Variants in KLF12 observed in about 807,000 individuals in gnomAD.
KLF12 encodes the protein KLF transcription factor 12, also known as Krueppel-like factor 12.
KLF12 carries 9 observed loss-of-function variants against 37.8 expected under a neutral mutation model. That is an observed-to-expected ratio of 0.24 (90% CI 0.14 to 0.42). The LOEUF (loss-of-function observed/expected upper bound fraction) is 0.42, where lower values mean the gene tolerates loss of function less well. Among genes scored for constraint, KLF12 ranks in the 10% least tolerant of loss-of-function variants. The pLI, the probability that KLF12 is intolerant of heterozygous loss-of-function variation, is 1.00. For synonymous variants in KLF12, 208 were observed against 202.1 expected (o/e 1.03, Z -0.25); for missense variants, 411 against 516.0 (o/e 0.80, Z 1.97).
At chr13:73,862,952 A>G (rs545716804) in intron 3 of KLF12, among the ~76,000 whole-genome samples, 114 of 152,300 alleles carry the variant, frequency 7.5e-4, no homozygotes, top group African/African-American at 2.6e-3. Context: ...CAGAACTTTC[A>G]GTCACAGTTA....
chr13:74,147,507 A>G, the KLF12 span, among the ~76,000 whole-genome samples: 2 of 152,160 alleles, frequency 1.3e-5, no homozygotes, highest in African/African-American at 4.8e-5. Context: ...GTTTCCCAAA[A>G]TATGTAGTCA....
intron 2 of KLF12, among the ~76,000 whole-genome samples, chr13:73,968,951 G>A (rs895351796): frequency 4.0e-5 from 6 of 150,558 alleles, no homozygotes; most frequent in East Asian, 2.0e-4. Flanking sequence ...CATAACCTCC[G>A]TTTGGATTTC....
the KLF12 span, among the ~76,000 whole-genome samples, chr13:74,194,585 C>T: frequency 6.6e-6 from 1 of 152,110 alleles, no homozygotes; most frequent in Non-Finnish European, 1.5e-5. Context: ...GGGAAGAGAC[C>T]TCATGACCTA....
At chr13:74,106,346 T>A (rs192725897) in intron 1 of KLF12, among the ~76,000 whole-genome samples, 9 of 152,296 alleles carry the variant, frequency 5.9e-5, no homozygotes, top group Non-Finnish European at 1.3e-4. Context: ...TCTAAAAACA[T>A]CATTTATTAC....
intron 1 of KLF12, among the ~76,000 whole-genome samples, chr13:74,075,931 G>C (rs1874535672): frequency 6.6e-6 from 1 of 152,138 alleles, no homozygotes; most frequent in Non-Finnish European, 1.5e-5. Context: ...ACATTAACTT[G>C]AAGATTAATT....
chr13:73,880,985 T>C (rs1315948647), intron 3 of KLF12, among the ~76,000 whole-genome samples: 1 of 152,202 alleles, frequency 6.6e-6, no homozygotes, highest in Non-Finnish European at 1.5e-5. Context: ...TCTGAAAGTG[T>C]TAACGTCTAA....
the KLF12 span, among the ~76,000 whole-genome samples, chr13:74,213,629 C>T: frequency 1.4e-5 from 2 of 147,614 alleles, no homozygotes; most frequent in Non-Finnish European, 3.0e-5. Context: ...CTCCCTCCCT[C>T]CCTTCTTTCC....
intron 3 of KLF12, among the ~76,000 whole-genome samples, chr13:73,934,629 C>T (rs1889841853): frequency 6.6e-6 from 1 of 151,800 alleles, no homozygotes; most frequent in Non-Finnish European, 1.5e-5. Context: ...TATTTTTTGC[C>T]CCCTGGCTGC....
At position 73,932,426 on chromosome 13, in the gene KLF12, C is replaced by T. The variant is rs1889729394; in HGVS notation, c.123+11555G>A. ...ATCAAAATTGTCACCAGGTCGAATG[C>T]CTTCAGAGCACAGCATTTTTCTCAG... On this transcript the variant is annotated intron_variant, in intron 3 of 7. Transcript: ENST00000377669. 2.0e-5 allele frequency among the ~76,000 whole-genome samples: 3 copies of T among 152,130 alleles called. No individual in the cohort carries two copies. The South Asian group carries it at 6.2e-4, about 31-fold the overall frequency.
chr13:73,855,008 C>G (rs1885532715), intron 3 of KLF12, among the ~76,000 whole-genome samples: 1 of 152,188 alleles, frequency 6.6e-6, no homozygotes, highest in African/African-American at 2.4e-5. Flanking sequence ...CTCCTGGAAA[C>G]AGAGGCAGCT....
chr13:73,720,685 C>G (rs1026646594), intron 6 of KLF12, among the ~76,000 whole-genome samples: 1 of 152,088 alleles, frequency 6.6e-6, no homozygotes, highest in Non-Finnish European at 1.5e-5. Context: ...CTTGGAATGG[C>G]AAGTTAAATT....
chr13:73,903,183 A>G (rs1043954445), intron 3 of KLF12, among the ~76,000 whole-genome samples: 2 of 152,228 alleles, frequency 1.3e-5, no homozygotes, highest in Non-Finnish European at 1.5e-5. Context: ...CTGATACATT[A>G]ATTTTTTAAG....
chr13:73,959,665 T>A (rs1890958573), intron 2 of KLF12, among the ~76,000 whole-genome samples: 2 of 151,974 alleles, frequency 1.3e-5, no homozygotes, highest in Admixed American at 6.6e-5. Context: ...AAATTATATA[T>A]CTCATGTAAT....
chr13:73,906,568 T>G (rs933745694), intron 3 of KLF12, among the ~76,000 whole-genome samples: 4 of 152,224 alleles, frequency 2.6e-5, no homozygotes, highest in African/African-American at 9.7e-5. Context: ...CTCACTTTTG[T>G]GGTTCATCTT....
At chr13:74,030,153 T>C (rs1893077928) in intron 1 of KLF12, among the ~76,000 whole-genome samples, 1 of 152,050 alleles carries the variant, frequency 6.6e-6, no homozygotes, top group African/African-American at 2.4e-5. Context: ...CAGGCTAAAA[T>C]AAAAGTCATG....
intron 5 of KLF12, among the ~76,000 whole-genome samples, chr13:73,796,507 C>CTGTGTGTGTGTGTGTGTGTGTGTG (rs5804694): frequency 9.3e-5 from 13 of 140,276 alleles, no homozygotes; most frequent in African/African-American, 2.9e-4. Context: ...TGCCCCTGTG[C>CTGTGTGTGTGTGTGTGTGTGTGTG]TGTGTGTGTG....
At chr13:73,806,687 A>G (rs1882648495) in intron 5 of KLF12, among the ~76,000 whole-genome samples, 1 of 151,646 alleles carries the variant, frequency 6.6e-6, no homozygotes, top group African/African-American at 2.4e-5. Flanking sequence ...AACTTCTGAG[A>G]CCTCTGGGGA....
chr13:73,787,666 T>C (rs1177953640), intron 5 of KLF12, among the ~76,000 whole-genome samples: 2 of 152,150 alleles, frequency 1.3e-5, no homozygotes, highest in African/African-American at 4.8e-5. Context: ...CATGGAAGTT[T>C]GGGGATTGGA....
chr13:74,107,914 A>G (rs9600230), intron 1 of KLF12, among the ~76,000 whole-genome samples: 4,297 of 152,320 alleles, frequency 0.028, 111 homozygotes, highest in South Asian at 0.078. Flanking sequence ...AAAAATATTT[A>G]GTCTTGAGGT....
Sources: gnomAD v4.1 joint callset for allele counts (sites outside exome capture counted in the v4.1 genomes callset) on GRCh38, gnomAD v4.1.1 for gene constraint, MANE v1.5 for transcripts, NCBI Gene and HGNC (gene_info 2026-07-23, HGNC 2026-07-21) for gene names.